The following HEMK2 variants were observed in gnomAD, a reference collection of about 807,000 sequenced individuals.
HEMK2 encodes the protein HemK methyltransferase 2, ETF1 glutamine and histone H4 lysine, also known as methyltransferase HEMK2.
At chr21:28,800,544 T>C in the HEMK2 span, among the ~76,000 whole-genome samples, 1 of 152,136 alleles carries the variant, frequency 6.6e-6, no homozygotes, top group African/African-American at 2.4e-5. Context: ...AATGTATATA[T>C]ATCATATGTA....
chr21:28,583,649 C>T, the HEMK2 span, among the ~76,000 whole-genome samples: 1 of 152,118 alleles, frequency 6.6e-6, no homozygotes, highest in Non-Finnish European at 1.5e-5. Flanking sequence ...TTTCAGAGAA[C>T]ATGTCTATCT....
chr21:28,666,093 A>G, the HEMK2 span, among the ~76,000 whole-genome samples: 1 of 152,230 alleles, frequency 6.6e-6, no homozygotes, highest in Non-Finnish European at 1.5e-5. Flanking sequence ...ATTTTAAATT[A>G]GAATCTATTT....
chr21:28,580,532 A>T, the HEMK2 span, among the ~76,000 whole-genome samples: 1 of 150,712 alleles, frequency 6.6e-6, no homozygotes, highest in South Asian at 2.1e-4. Flanking sequence ...ACCAAGTTCA[A>T]CTAGCTTGGC....
chr21:28,726,878 A>AAG, the HEMK2 span, among the ~76,000 whole-genome samples: 1 of 152,014 alleles, frequency 6.6e-6, no homozygotes, highest in East Asian at 1.9e-4. Flanking sequence ...CTAAAAAAAA[A>AAG]AAAAAAAAAT....
chr21:28,766,194 A>G, the HEMK2 span, among the ~76,000 whole-genome samples: 1 of 152,072 alleles, frequency 6.6e-6, no homozygotes, highest in Non-Finnish European at 1.5e-5. Context: ...TAGGAGAAAT[A>G]CCTAATGTAA....
the HEMK2 span, among the ~76,000 whole-genome samples, chr21:28,855,876 G>T: frequency 3.3e-5 from 5 of 152,132 alleles, no homozygotes; most frequent in Non-Finnish European, 7.4e-5. Context: ...GTGTTAAGAG[G>T]GAGGTTGACA....
At chr21:28,823,833 T>A in the HEMK2 span, among the ~76,000 whole-genome samples, 1 of 152,072 alleles carries the variant, frequency 6.6e-6, no homozygotes, top group African/African-American at 2.4e-5. Context: ...CTACTAACCA[T>A]GTGTTACATA....
At chr21:28,713,614 T>G in the HEMK2 span, among the ~76,000 whole-genome samples, 2 of 152,180 alleles carry the variant, frequency 1.3e-5, no homozygotes, top group Non-Finnish European at 2.9e-5. Flanking sequence ...CTTTGCATCC[T>G]AGCCTAGTAG....
the HEMK2 span, among the ~76,000 whole-genome samples, chr21:28,782,804 TTGTACACTTTA>T: frequency 6.6e-6 from 1 of 152,228 alleles, no homozygotes; most frequent in African/African-American, 2.4e-5. Flanking sequence ...AGCCATTGAA[TTGTACACTTTA>T]AATTAGTGAT....
At chr21:28,731,620 G>T in the HEMK2 span, among the ~76,000 whole-genome samples, 4 of 142,978 alleles carry the variant, frequency 2.8e-5, no homozygotes, top group African/African-American at 5.1e-5. Flanking sequence ...GTAGGGGGAG[G>T]GGGGAGGGAT....
chr21:28,781,387 A>G, the HEMK2 span, among the ~76,000 whole-genome samples: 1 of 152,156 alleles, frequency 6.6e-6, no homozygotes, highest in Non-Finnish European at 1.5e-5. Context: ...GGCAAATGAG[A>G]CATATAGCTA....
the HEMK2 span, among the ~76,000 whole-genome samples, chr21:28,607,573 T>C: frequency 6.6e-6 from 1 of 152,192 alleles, no homozygotes; most frequent in Non-Finnish European, 1.5e-5. Context: ...ATGACTCTAC[T>C]CCTTCACTCT....
the HEMK2 span, among the ~76,000 whole-genome samples, chr21:28,869,986 T>TAG: frequency 2.6e-5 from 4 of 152,210 alleles, no homozygotes; most frequent in Non-Finnish European, 5.9e-5. Context: ...GGTTCTCCTC[T>TAG]AGCCTTTCTC....
chr21:28,630,170 CAT>C, the HEMK2 span, among the ~76,000 whole-genome samples: 4 of 149,834 alleles, frequency 2.7e-5, no homozygotes, highest in East Asian at 8.7e-4. Context: ...CTTAATTAAT[CAT>C]TAACTTTCTT....
the HEMK2 span, among the ~76,000 whole-genome samples, chr21:28,691,886 A>C: frequency 6.6e-6 from 1 of 151,948 alleles, no homozygotes; most frequent in African/African-American, 2.4e-5. Context: ...ATTTCAGAAA[A>C]TAATATGCAT....
the HEMK2 span, among the ~76,000 whole-genome samples, chr21:28,667,581 T>C: frequency 4.4e-5 from 4 of 91,614 alleles, no homozygotes; most frequent in Admixed American, 1.2e-4. Context: ...TTATTTCACA[T>C]TGCATCATTG....
chr21:28,676,820 T>A, the HEMK2 span, among the ~76,000 whole-genome samples: 1 of 152,344 alleles, frequency 6.6e-6, no homozygotes, highest in South Asian at 2.1e-4. Flanking sequence ...TAATTTTTTA[T>A]GGCCATGTGG....
the HEMK2 span, among the ~76,000 whole-genome samples, chr21:28,738,747 C>T: frequency 6.6e-6 from 1 of 152,194 alleles, no homozygotes; most frequent in African/African-American, 2.4e-5. Context: ...TAGTCCCCAA[C>T]ATTTTTGCAA....
the HEMK2 span, among the ~76,000 whole-genome samples, chr21:28,653,857 T>C: frequency 6.6e-6 from 1 of 152,150 alleles, no homozygotes; most frequent in Non-Finnish European, 1.5e-5. Context: ...TAAGCCTAAA[T>C]GATCATGAAA....
Sources: gnomAD v4.1 joint callset for allele counts (sites outside exome capture counted in the v4.1 genomes callset) on GRCh38, gnomAD v4.1.1 for gene constraint, MANE v1.5 for transcripts, NCBI Gene and HGNC (gene_info 2026-07-23, HGNC 2026-07-21) for gene names.